The following DLG2 variants were observed in gnomAD, a reference collection of about 807,000 sequenced individuals.
The protein encoded by DLG2 is disks large homolog 2.
DLG2 carries 45 observed loss-of-function variants against 132.5 expected under a neutral mutation model. The observed-to-expected ratio is 0.34, with a 90% CI of 0.27 to 0.44. The LOEUF (loss-of-function observed/expected upper bound fraction) is 0.44, where lower values mean the gene tolerates loss of function less well. Among genes scored for constraint, DLG2 ranks in the 20% least tolerant of loss-of-function variants. The pLI is 1.00. For synonymous variants in DLG2, 424 were observed against 419.6 expected, an observed-to-expected ratio of 1.01 and a Z score of -0.13; for missense variants, 1,045 against 1,196.9, an observed-to-expected ratio of 0.87 and a Z score of 1.87.
chr11:84,206,459 T>A (rs920135550), intron 8 of DLG2, among the ~76,000 whole-genome samples: 1 of 152,048 alleles, frequency 6.6e-6, no homozygotes, highest in African/African-American at 2.4e-5. Context: ...AAAAGATCAA[T>A]ATCCTCCAAG....
At chr11:83,499,840 CCACTAATAGGAGATATATATATATATAT>C (rs1230003194) in intron 21 of DLG2, among the ~76,000 whole-genome samples, 3 of 111,926 alleles carry the variant, frequency 2.7e-5, no homozygotes, top group Non-Finnish European at 5.4e-5. Flanking sequence ...TATATTTCCT[CCACTAATAGGAGATATATATATATATAT>C]ATATATATAT....
Position 85,156,816 on chromosome 11 carries a change from C to T in DLG2, c.187-2165G>A, listed in dbSNP as rs577494589. Among the ~76,000 whole-genome samples the T allele has an allele frequency of 7.2e-5, 11 of 152,280 alleles. No individual in the cohort carries two copies. The South Asian group carries it at 1.9e-3, about 26-fold the overall frequency. On this transcript the variant is annotated intron_variant, in intron 4 of 27. Transcript: ENST00000376104. ...CTGGTTGTCCTAAGGTGATTGAGCT[C>T]GGCATTTCTCTTAGCCAGATCAGAG...
At chr11:84,390,416 C>T (rs1473878380) in intron 7 of DLG2, among the ~76,000 whole-genome samples, 1 of 152,146 alleles carries the variant, frequency 6.6e-6, no homozygotes, top group African/African-American at 2.4e-5. Flanking sequence ...ACTGTACTAT[C>T]TTCTTTTATA....
intron 18 of DLG2, among the ~76,000 whole-genome samples, chr11:83,712,957 G>A (rs368341382): frequency 2.3e-4 from 33 of 146,256 alleles, no homozygotes; most frequent in African/African-American, 6.9e-4. Context: ...CATGTACCCC[G>A]GAACTTAAAA....
chr11:83,761,103 G>A (rs2153752532), intron 18 of DLG2, among the ~76,000 whole-genome samples: 1 of 152,250 alleles, frequency 6.6e-6, no homozygotes, highest in Non-Finnish European at 1.5e-5. Flanking sequence ...TAAGCATGGA[G>A]CACATATGGC....
chr11:84,451,425 T>G (rs755066027), intron 7 of DLG2, among the ~76,000 whole-genome samples: 32 of 151,950 alleles, frequency 2.1e-4, no homozygotes, highest in Admixed American at 1.1e-3. Flanking sequence ...TTTTTCTAAT[T>G]CATTGTTTGC....
intron 7 of DLG2, among the ~76,000 whole-genome samples, chr11:84,313,641 A>AAAAGAAAGAAAGAAAGAAAAAG (rs2098321487): frequency 7.7e-6 from 1 of 129,180 alleles, no homozygotes; most frequent in East Asian, 2.4e-4. Flanking sequence ...GAAAGAGAGA[A>AAAAGAAAGAAAGAAAGAAAAAG]AAAGAAAGAA....
chr11:85,019,619 C>T (rs1287357163), intron 6 of DLG2, among the ~76,000 whole-genome samples: 1 of 152,104 alleles, frequency 6.6e-6, no homozygotes, highest in Admixed American at 6.5e-5. Flanking sequence ...TACCTCCCCT[C>T]TCCACCCACC....
In DLG2 at chr11:83,961,182, T is replaced by C. The variant is rs537314724; in HGVS notation, c.1340+1703A>G. On this transcript the variant is annotated intron_variant, in intron 14 of 27. Coordinates refer to ENST00000376104, the MANE Select transcript of DLG2 (RefSeq NM_001142699.3). Reference sequence around the variant, plus strand: ...CTCACTTAATCATCACAACAACCTATTGAGATAGACTCACTTTCTATTCCC... The same window carrying C: ...CTCACTTAATCATCACAACAACCTACTGAGATAGACTCACTTTCTATTCCC... Among the ~76,000 whole-genome samples the C allele has an allele frequency of 9.9e-5, 15 of 152,154 alleles. 1 individual carries two copies. The South Asian group carries it at 3.1e-3, about 32-fold the overall frequency.
chr11:84,704,119 A>G lies in DLG2; in HGVS notation c.358-169388T>C, dbSNP rs564910737. On this transcript the variant is annotated intron_variant, in intron 6 of 27. Transcript: ENST00000376104. ...TATGCCACTAGTCTTTTCATTTTGCACTTGAAGACAAGTCTTCAGGAAGTT... is the reference window on the plus strand; with the variant it reads ...TATGCCACTAGTCTTTTCATTTTGCGCTTGAAGACAAGTCTTCAGGAAGTT... 2.6e-5 allele frequency among the ~76,000 whole-genome samples: 4 copies of G among 151,314 alleles called. No individual in the cohort carries two copies. The East Asian group carries it at 5.9e-4, about 22-fold the overall frequency.
At chr11:84,436,436 G>T (rs1298983726) in intron 7 of DLG2, among the ~76,000 whole-genome samples, 1 of 152,168 alleles carries the variant, frequency 6.6e-6, no homozygotes, top group East Asian at 1.9e-4. Context: ...GGCCAGGAGA[G>T]CCATCTCTGG....
intron 7 of DLG2, among the ~76,000 whole-genome samples, chr11:84,433,695 C>T (rs1191024327): frequency 6.6e-6 from 1 of 152,140 alleles, no homozygotes; most frequent in Non-Finnish European, 1.5e-5. Flanking sequence ...AAAGAGAGCA[C>T]ATGTACAATT....
At chr11:85,338,720 T>C (rs983809235) in intron 3 of DLG2, among the ~76,000 whole-genome samples, 4 of 148,874 alleles carry the variant, frequency 2.7e-5, no homozygotes, top group Non-Finnish European at 4.5e-5. Flanking sequence ...TTTTTTTTTT[T>C]TTTGAGACGG....
At chr11:85,378,273 G>T (rs568278509) in intron 3 of DLG2, among the ~76,000 whole-genome samples, 1 of 152,184 alleles carries the variant, frequency 6.6e-6, no homozygotes, top group South Asian at 2.1e-4. Flanking sequence ...ATACTACTGT[G>T]AATTTTTTGT....
chr11:85,295,909 T>C (rs1042584720), intron 3 of DLG2, among the ~76,000 whole-genome samples: 5 of 152,122 alleles, frequency 3.3e-5, no homozygotes, highest in African/African-American at 7.2e-5. Flanking sequence ...AGCTGATGAA[T>C]GCCAAGGGAG....
intron 18 of DLG2, among the ~76,000 whole-genome samples, chr11:83,774,889 T>C (rs1011040172): frequency 3.9e-5 from 6 of 152,134 alleles, no homozygotes; most frequent in Non-Finnish European, 8.8e-5. Context: ...AGGTTGTCAC[T>C]CACTTGAGGT....
At position 83,927,650 on chromosome 11, in the gene DLG2, T is replaced by G. The variant is rs534231837; in HGVS notation, c.1496+2678A>C. 3.3e-5 allele frequency among the ~76,000 whole-genome samples: 5 copies of G among 152,290 alleles called. No individual in the cohort carries two copies. In the South Asian group the frequency reaches 1.0e-3, roughly 32 times the overall value. On this transcript the variant is annotated intron_variant, in intron 15 of 27. Transcript: ENST00000376104. ...ATGCAGAGCCTGGATGCTATGTTAA[T>G]GACTTCGCATTGCATCCTAATGCAA...
At chr11:83,804,377 C>T (rs1010148558) in intron 17 of DLG2, among the ~76,000 whole-genome samples, 1 of 152,058 alleles carries the variant, frequency 6.6e-6, no homozygotes, top group Non-Finnish European at 1.5e-5. Context: ...ATTTACTATG[C>T]TAGTTCTAAG....
At chr11:84,706,318 G>A (rs865788545) in intron 6 of DLG2, among the ~76,000 whole-genome samples, 1 of 151,820 alleles carries the variant, frequency 6.6e-6, no homozygotes, top group Non-Finnish European at 1.5e-5. Flanking sequence ...TATACAGAGA[G>A]TGCTTTGGGG....
Sources: allele counts gnomAD v4.1 joint callset (sites outside exome capture counted in the v4.1 genomes callset), GRCh38; gene constraint gnomAD v4.1.1; transcripts MANE v1.5; gene names NCBI Gene and HGNC (gene_info 2026-07-23, HGNC 2026-07-21).